The following SLC30A9 variants were observed in gnomAD, a reference collection of about 807,000 sequenced individuals.
The protein encoded by SLC30A9 is proton-coupled zinc antiporter SLC30A9, mitochondrial.
SLC30A9 carries 58 observed loss-of-function variants against 87.5 expected under a neutral mutation model. The ratio of observed to expected loss-of-function variants is 0.66; its 90% confidence interval spans 0.54 to 0.82. SLC30A9 has a LOEUF of 0.82. Among genes scored for constraint, SLC30A9 ranks in the 40% least tolerant of loss-of-function variants. The pLI is 0.00. For synonymous variants in SLC30A9, 234 were observed against 233.0 expected (o/e 1.00, Z -0.04); for missense variants, 557 against 679.1 (o/e 0.82, Z 2.00).
At chr4:42,032,002 T>G (rs963334227) in intron 6 of SLC30A9, among the ~76,000 whole-genome samples, 24 of 152,148 alleles carry the variant, frequency 1.6e-4, no homozygotes, top group African/African-American at 5.6e-4. Context: ...GCATAGAAGC[T>G]TCTGGGGAGC....
intron 17 of SLC30A9, among the ~76,000 whole-genome samples, chr4:42,082,746 T>G (rs6447125): frequency 0.98 from 148,298 of 151,966 alleles, 72,374 homozygotes; most frequent in East Asian, 1. Flanking sequence ...TACTTAGGAG[T>G]CTGAGACAGG....
At chr4:42,032,238 A>G (rs1159672647) in intron 6 of SLC30A9, among the ~76,000 whole-genome samples, 1 of 150,838 alleles carries the variant, frequency 6.6e-6, no homozygotes, top group Non-Finnish European at 1.5e-5. Context: ...ACCTCCAACA[A>G]TTGGATTTCA....
chr4:42,043,647 A>G (rs1300933633), intron 8 of SLC30A9, among the ~76,000 whole-genome samples: 3 of 152,234 alleles, frequency 2.0e-5, no homozygotes, highest in Non-Finnish European at 4.4e-5. Context: ...AACACTCTTC[A>G]GGAGATTATC....
intron 17 of SLC30A9, among the ~76,000 whole-genome samples, chr4:42,082,699 T>C (rs1718785676): frequency 6.6e-6 from 1 of 151,972 alleles, no homozygotes; most frequent in Non-Finnish European, 1.5e-5. Context: ...AATAGAAAAA[T>C]TAGCTTGGTA....
At chr4:42,034,051 T>A (rs916408577) in intron 6 of SLC30A9, among the ~76,000 whole-genome samples, 1 of 152,228 alleles carries the variant, frequency 6.6e-6, no homozygotes, top group Non-Finnish European at 1.5e-5. Flanking sequence ...AGAAGCCTTG[T>A]AAATAAAAGT....
chr4:42,014,144 TG>T (rs1245542771), intron 2 of SLC30A9, among the ~76,000 whole-genome samples: 1 of 152,186 alleles, frequency 6.6e-6, no homozygotes, highest in Non-Finnish European at 1.5e-5. Flanking sequence ...TTAACATCAT[TG>T]ATCATCAGAG....
chr4:42,048,704 A>C (rs1232504245), intron 8 of SLC30A9, among the ~76,000 whole-genome samples: 3 of 152,142 alleles, frequency 2.0e-5, no homozygotes. Context: ...TGCCTTTGAC[A>C]CTGGCCCAAT....
At chr4:42,029,750 G>A (rs1716344393) in intron 6 of SLC30A9, 5 of 727,272 alleles carry the variant, frequency 6.9e-6, no homozygotes, top group Non-Finnish European at 1.3e-5. Flanking sequence ...TTATTATAAA[G>A]CTCAAGTGAG....
intron 8 of SLC30A9, 90 bp from the exon 9 acceptor site, chr4:42,049,287 C>G: frequency 1.5e-6 from 1 of 672,066 alleles, no homozygotes; most frequent in Non-Finnish European, 2.6e-6. Flanking sequence ...TCAACAGAAT[C>G]TAGTGTAGAG....
chr4:42,014,994 A>G (rs985192941), intron 2 of SLC30A9, among the ~76,000 whole-genome samples: 7 of 152,218 alleles, frequency 4.6e-5, no homozygotes, highest in African/African-American at 1.7e-4. Flanking sequence ...ATTTGATAGC[A>G]CAACAGGGTG....
In SLC30A9 at chr4:42,087,241, T is replaced by G. The variant is rs1718954114; in HGVS notation, c.*1115T>G. ...TTCTACTGACCCTAAGTTATCAAGG[T>G]GGAAAAAAAACATGCAATTCAGTAA... On this transcript the variant is annotated 3_prime_UTR_variant, in exon 18 of 18. Transcript: ENST00000264451. The G allele has an allele frequency of 1.3e-5, 2 of 152,160 alleles. No homozygotes were observed. The highest frequency in any genetic ancestry group is 4.2e-4 in the South Asian group (2 of 4,816). The allele number at this position is 152,160 out of a possible 1,614,324, so 9.4% of individuals were successfully genotyped here. A position where few individuals can be genotyped will look rare whatever the true frequency, so the allele number is the denominator to read the frequency against.
chr4:42,002,463 T>A (rs1390825811), intron 2 of SLC30A9, among the ~76,000 whole-genome samples: 3 of 152,082 alleles, frequency 2.0e-5, no homozygotes, highest in Admixed American at 2.0e-4. Context: ...TGCCTATTTT[T>A]GCTATCTTTA....
At chr4:42,013,953 A>G (rs915404746) in intron 2 of SLC30A9, among the ~76,000 whole-genome samples, 1 of 152,244 alleles carries the variant, frequency 6.6e-6, no homozygotes, top group South Asian at 2.1e-4. Context: ...AAATGAAGAG[A>G]CAACCCATAA....
At chr4:42,023,473 C>A in intron 6 of SLC30A9, 89 bp downstream of exon 6, 1 of 799,408 alleles carries the variant, frequency 1.3e-6, no homozygotes, top group Non-Finnish European at 2.1e-6. Context: ...TGCTAGCATA[C>A]CTGTTGGCCT....
At position 42,085,237 on chromosome 4, in the gene SLC30A9, G is replaced by T. The variant is rs59100611; in HGVS notation, c.1663-845G>T. Among the ~76,000 whole-genome samples, 590 of 152,258 alleles carry T rather than the reference G, an allele frequency of 3.9e-3. 1 individual carries two copies. Among genetic ancestry groups the T allele is most frequent in the African/African-American group, 0.014 (570 of 41,542 alleles). On this transcript the variant is annotated intron_variant, in intron 17 of 17. Coordinates refer to ENST00000264451, the MANE Select transcript of SLC30A9 (RefSeq NM_006345.4). ...CTACCTTAGATATTATATCCTCAGTGAAATTTTCTAGATCTCATGAGCAAA... is the reference window on the plus strand; with the variant it reads ...CTACCTTAGATATTATATCCTCAGTTAAATTTTCTAGATCTCATGAGCAAA...
intron 6 of SLC30A9, chr4:42,029,496 T>G: frequency 1.5e-6 from 1 of 670,254 alleles, no homozygotes; most frequent in South Asian, 1.6e-5. Flanking sequence ...ATCCTAATGA[T>G]CCCAAGCACT....
Position 42,066,554 on chromosome 4 carries a change from A to C in SLC30A9, c.1077A>C (p.Thr359=), listed in dbSNP as rs1718083585. The C allele has an allele frequency of 1.3e-6, 2 of 1,599,386 alleles. No individual in the cohort carries two copies. Among genetic ancestry groups the C allele is most frequent in the South Asian group, 2.2e-5 (2 of 89,132 alleles). The change falls in exon 13 of 18, where the codon ACA becomes ACC. Residue 359 remains threonine, a synonymous_variant. Coordinates refer to ENST00000264451, the MANE Select transcript of SLC30A9 (RefSeq NM_006345.4). The part of the protein sequence containing the change: ...LAGSLVSEGA[T]LLVAVNELRR... Reference sequence around the variant, plus strand: ...ATATGAATGCTTTTCTTTTAGCAACACTTCTTGTTGCTGTAAATGAACTTC... The same window carrying C: ...ATATGAATGCTTTTCTTTTAGCAACCCTTCTTGTTGCTGTAAATGAACTTC...
intron 6 of SLC30A9, among the ~76,000 whole-genome samples, 168 bp downstream of exon 6, chr4:42,023,552 T>G (rs1716063800): frequency 1.3e-5 from 2 of 152,228 alleles, no homozygotes; most frequent in African/African-American, 4.8e-5. Context: ...AAACAGGAAC[T>G]GTATTTTTGT....
At chr4:42,083,396 A>G (rs1040606785) in intron 17 of SLC30A9, among the ~76,000 whole-genome samples, 4 of 152,206 alleles carry the variant, frequency 2.6e-5, no homozygotes, top group Non-Finnish European at 5.9e-5. Context: ...GATACCAATT[A>G]TTGATTTTCA....
Sources: gnomAD v4.1 joint callset for allele counts (sites outside exome capture counted in the v4.1 genomes callset) on GRCh38, gnomAD v4.1.1 for gene constraint, MANE v1.5 for transcripts, NCBI Gene and HGNC (gene_info 2026-07-23, HGNC 2026-07-21) for gene names.